GRAMD2B: variants seen among roughly 807,000 people sequenced by gnomAD.
The protein encoded by GRAMD2B is GRAM domain containing 2B.
Under a neutral mutation model 59.2 loss-of-function variants are expected in GRAMD2B, and 41 were observed. The ratio of observed to expected loss-of-function variants is 0.69; its 90% CI spans 0.54 to 0.90. The LOEUF (loss-of-function observed/expected upper bound fraction) is 0.90, where lower values mean the gene tolerates loss of function less well. Ranked by LOEUF, GRAMD2B falls within the 40% of genes least tolerant of loss-of-function variation. The pLI is 0.00. For missense variants in GRAMD2B, 424 were observed against 500.5 expected (o/e 0.85, Z 1.46); for synonymous variants, 161 against 182.7 (o/e 0.88, Z 0.96).
At chr5:126,399,686 A>G (rs1326759127) in intron 1 of GRAMD2B, among the ~76,000 whole-genome samples, 1 of 152,190 alleles carries the variant, frequency 6.6e-6, no homozygotes, top group African/African-American at 2.4e-5. Flanking sequence ...CAATATATTT[A>G]TAGTTGCTAT....
Position 126,386,957 on chromosome 5 carries a change from T to C in GRAMD2B, c.125+15390T>C, listed in dbSNP as rs962166426. Among the ~76,000 whole-genome samples, 7 of 152,220 alleles carry C rather than the reference T, an allele frequency of 4.6e-5. No homozygotes were observed. The East Asian group carries it at 1.3e-3, about 29-fold the overall frequency. ...ATTCTAAGGTTTTGTTTTACCTATT[T>C]GTTTTATTATCACCATATATTCTTT... On this transcript the variant is annotated intron_variant, in intron 1 of 8. Coordinates refer to the GRAMD2B transcript ENST00000506445.
intron 1 of GRAMD2B, among the ~76,000 whole-genome samples, chr5:126,372,317 G>A (rs1754834960): frequency 6.6e-6 from 1 of 152,078 alleles, no homozygotes; most frequent in Non-Finnish European, 1.5e-5. Context: ...CTTTAACGTA[G>A]CATTCATGTA....
rs114614544 is a variant in GRAMD2B at position 126,437,317 on chromosome 5, T to C, written c.83+13628T>C. ...TGGAAGGACCAGGTGACGGAATGGA[T>C]TGACAGAGCGAGAAAGCCAGAATGA... On this transcript the variant is annotated intron_variant, in intron 1 of 13. Transcript: ENST00000285689. Among the ~76,000 whole-genome samples the C allele has an allele frequency of 5.7e-3, 873 of 152,252 alleles. 6 individuals are homozygous for C. Among genetic ancestry groups the C allele is most frequent in the Non-Finnish European group, 0.01 (695 of 68,014 alleles).
intron 1 of GRAMD2B, among the ~76,000 whole-genome samples, chr5:126,428,086 A>G (rs1040219880): frequency 2.6e-5 from 4 of 152,158 alleles, no homozygotes; most frequent in African/African-American, 9.7e-5. Context: ...TACAAAAATT[A>G]ACCAGGCGTG....
intron 1 of GRAMD2B, among the ~76,000 whole-genome samples, chr5:126,430,294 C>T (rs971882982): frequency 8.5e-5 from 13 of 152,176 alleles, no homozygotes; most frequent in Non-Finnish European, 1.5e-4. Flanking sequence ...GGTCACTCCA[C>T]GTATGTCAAA....
intron 2 of GRAMD2B, among the ~76,000 whole-genome samples, chr5:126,468,743 C>T (rs1259132974): frequency 6.6e-6 from 1 of 152,166 alleles, no homozygotes; most frequent in Non-Finnish European, 1.5e-5. Flanking sequence ...CCACCTTGAC[C>T]TCCCAAAGTG....
At chr5:126,404,396 A>G (rs751041985) in intron 1 of GRAMD2B, among the ~76,000 whole-genome samples, 18 of 151,932 alleles carry the variant, frequency 1.2e-4, no homozygotes, top group Non-Finnish European at 2.5e-4. Flanking sequence ...GTTTGCATCA[A>G]GGACATGATG....
In GRAMD2B at chr5:126,451,927, C is replaced by T. The variant is rs190546808; in HGVS notation, c.84-13499C>T. Among the ~76,000 whole-genome samples, 80 of 152,158 alleles carry T rather than the reference C, an allele frequency of 5.3e-4. No homozygotes were observed. In the South Asian group the frequency reaches 6.4e-3, roughly 12 times the overall value. On this transcript the variant is annotated intron_variant, in intron 1 of 13. Transcript: ENST00000285689. ...GACTTCCCCTTCTCTCTCTCTTGCTCCCACTCTCACCATGGGATGTGCCTG... is the reference window on the plus strand; with the variant it reads ...GACTTCCCCTTCTCTCTCTCTTGCTTCCACTCTCACCATGGGATGTGCCTG...
intron 2 of GRAMD2B, among the ~76,000 whole-genome samples, chr5:126,468,193 G>A (rs952759965): frequency 6.6e-6 from 1 of 152,188 alleles, no homozygotes; most frequent in Non-Finnish European, 1.5e-5. Context: ...TAGCCGTAGG[G>A]TTGAAGTTAC....
chr5:126,379,541 T>C (rs1755485650), intron 1 of GRAMD2B, among the ~76,000 whole-genome samples: 1 of 152,110 alleles, frequency 6.6e-6, no homozygotes, highest in Non-Finnish European at 1.5e-5. Context: ...AAGTGTTCCC[T>C]TTTCACCACA....
chr5:126,485,025 G>A (rs1772636167), intron 10 of GRAMD2B, among the ~76,000 whole-genome samples: 1 of 152,150 alleles, frequency 6.6e-6, no homozygotes, highest in African/African-American at 2.4e-5. Flanking sequence ...ATACAAAAGT[G>A]AATAGCCTTC....
chr5:126,472,180 T>C, intron 3 of GRAMD2B, 58 bp from the exon 4 acceptor site: 1 of 1,355,132 alleles, frequency 7.4e-7, no homozygotes, highest in Non-Finnish European at 1.1e-6. Context: ...GAAGTTGAAT[T>C]TGTGATGTTT....
chr5:126,462,796 G>T (rs913768902), intron 1 of GRAMD2B, among the ~76,000 whole-genome samples: 2 of 152,180 alleles, frequency 1.3e-5, no homozygotes, highest in East Asian at 3.9e-4. Flanking sequence ...AAGCAGTGTG[G>T]AGGATGTGTC....
chr5:126,384,148 A>T (rs1755899449), intron 1 of GRAMD2B, among the ~76,000 whole-genome samples: 1 of 152,164 alleles, frequency 6.6e-6, no homozygotes, highest in Non-Finnish European at 1.5e-5. Flanking sequence ...TCTTCAATAG[A>T]TCTTAAATCT....
chr5:126,372,063 C>A (rs556797923), intron 1 of GRAMD2B, among the ~76,000 whole-genome samples: 1 of 152,238 alleles, frequency 6.6e-6, no homozygotes, highest in African/African-American at 2.4e-5. Context: ...TGATTTATAG[C>A]AGTTTTGGCC....
chr5:126,403,992 CA>C (rs1204245862), intron 1 of GRAMD2B, among the ~76,000 whole-genome samples: 4 of 151,632 alleles, frequency 2.6e-5, no homozygotes, highest in Non-Finnish European at 1.5e-5. Flanking sequence ...ACCACTTTGC[CA>C]AAAAAGGATG....
intron 1 of GRAMD2B, among the ~76,000 whole-genome samples, chr5:126,395,136 A>G (rs1428126270): frequency 6.6e-6 from 1 of 152,200 alleles, no homozygotes. Flanking sequence ...ATAGAATAAT[A>G]ATGTTTTATA....
intron 1 of GRAMD2B, among the ~76,000 whole-genome samples, chr5:126,384,769 C>A (rs1755972086): frequency 6.6e-6 from 1 of 152,228 alleles, no homozygotes; most frequent in East Asian, 1.9e-4. Context: ...GCCTACAATA[C>A]TCTGGCAGGG....
intron 1 of GRAMD2B, among the ~76,000 whole-genome samples, chr5:126,431,547 C>A (rs903469773): frequency 6.6e-6 from 1 of 152,164 alleles, no homozygotes; most frequent in African/African-American, 2.4e-5. Context: ...TCTGGATGAT[C>A]CTAGACAGAC....
Sources: allele counts gnomAD v4.1 joint callset (sites outside exome capture counted in the v4.1 genomes callset), GRCh38; gene constraint gnomAD v4.1.1; transcripts MANE v1.5; gene names NCBI Gene and HGNC (gene_info 2026-07-23, HGNC 2026-07-21).